The following TOX2 variants were observed in gnomAD, a reference collection of about 807,000 sequenced individuals.
TOX2 encodes granulosa cell HMG box 1.
TOX2 carries 15 observed loss-of-function variants against 47.4 expected under a neutral mutation model. The ratio of observed to expected loss-of-function variants is 0.32; its 90% confidence interval spans 0.21 to 0.49. The LOEUF (loss-of-function observed/expected upper bound fraction) is 0.49, where lower values mean the gene tolerates loss of function less well. Ranked by LOEUF, TOX2 falls within the 20% of genes least tolerant of loss-of-function variation. The pLI is 0.99. For synonymous variants in TOX2, 290 were observed against 296.6 expected, an observed-to-expected ratio of 0.98 and a Z score of 0.23; for missense variants, 622 against 673.1, an observed-to-expected ratio of 0.92 and a Z score of 0.84.
At chr20:43,943,635 G>A (rs2145356181) in intron 1 of TOX2, among the ~76,000 whole-genome samples, 1 of 152,274 alleles carries the variant, frequency 6.6e-6, no homozygotes, top group Middle Eastern at 3.4e-3. Context: ...TAGGGAGGAG[G>A]CAGAGGGAAC....
chr20:43,915,094 C>T lies in TOX2; in HGVS notation c.99+104C>T, dbSNP rs2069041322. 1.7e-5 allele frequency: 10 copies of T among 600,172 alleles called. No individual in the cohort carries two copies. The South Asian group carries it at 7.1e-4, about 42-fold the overall frequency. 37.2% of individuals were successfully genotyped at this position (600,172 alleles called of 1,614,324 possible). On this transcript the variant is annotated intron_variant, in intron 1 of 8. Transcript: ENST00000341197. This position sits in a 1 kb window ranked among gnomAD's most constrained non-coding sequence, Gnocchi z 7.1. The stretch of plus-strand genomic sequence containing the variant: ...TCACACGGGGCCGCGCACATCAGCC[C>T]CGCCGACGGGCACGGGCGGCTCACA...
intron 3 of TOX2, among the ~76,000 whole-genome samples, chr20:44,046,927 A>C (rs1349321523): frequency 2.0e-5 from 3 of 152,220 alleles, no homozygotes; most frequent in Non-Finnish European, 4.4e-5. Context: ...AAAAGGAAAA[A>C]CAAACTGATC....
chr20:44,020,062 C>T (rs2070951897), intron 3 of TOX2, among the ~76,000 whole-genome samples: 1 of 152,188 alleles, frequency 6.6e-6, no homozygotes, highest in African/African-American at 2.4e-5. Flanking sequence ...GCGACCTCAG[C>T]CAAGCTGTTT....
chr20:43,980,609 T>A (rs962413397), intron 2 of TOX2, among the ~76,000 whole-genome samples: 4 of 152,208 alleles, frequency 2.6e-5, no homozygotes, highest in African/African-American at 4.8e-5. Flanking sequence ...AAATGTCTCA[T>A]GTACTCTATA....
At chr20:43,951,709 T>TTG (rs1450756051) in intron 1 of TOX2, among the ~76,000 whole-genome samples, 1 of 111,234 alleles carries the variant, frequency 9.0e-6, no homozygotes, top group Non-Finnish European at 1.9e-5. Flanking sequence ...CTTATTATGT[T>TTG]TTTTTTTTTT....
At chr20:43,951,365 C>T (rs6103530) in intron 1 of TOX2, among the ~76,000 whole-genome samples, 3 of 151,916 alleles carry the variant, frequency 2.0e-5, no homozygotes, top group East Asian at 1.9e-4. Flanking sequence ...ACTTGAGTAC[C>T]GGAGTTCAAG....
chr20:44,012,585 C>T (rs373013927), intron 3 of TOX2, among the ~76,000 whole-genome samples: 5 of 152,246 alleles, frequency 3.3e-5, no homozygotes, highest in East Asian at 1.9e-4. Flanking sequence ...CATTCTCCTC[C>T]CAGCTTTGAC....
intron 1 of TOX2, among the ~76,000 whole-genome samples, chr20:43,964,452 G>A (rs1330256157): frequency 6.6e-6 from 1 of 152,218 alleles, no homozygotes; most frequent in African/African-American, 2.4e-5. Context: ...CAGAATGAGC[G>A]TTCTCACCGC....
chr20:43,931,025 G>A (rs1569007090), intron 1 of TOX2, among the ~76,000 whole-genome samples: 1 of 152,160 alleles, frequency 6.6e-6, no homozygotes, highest in Non-Finnish European at 1.5e-5. Flanking sequence ...CTTTGGAAGT[G>A]TGGGGAATCT....
At chr20:44,021,086 C>G (rs112757232) in intron 3 of TOX2, among the ~76,000 whole-genome samples, 5 of 152,104 alleles carry the variant, frequency 3.3e-5, no homozygotes, top group African/African-American at 1.2e-4. Context: ...AATTGTGCAC[C>G]AAGGGCCTAA....
At chr20:44,000,717 C>T (rs2070563269) in intron 2 of TOX2, among the ~76,000 whole-genome samples, 1 of 151,836 alleles carries the variant, frequency 6.6e-6, no homozygotes, top group African/African-American at 2.4e-5. Flanking sequence ...ATGTCATCAT[C>T]AATAGATTAA....
At position 43,942,698 on chromosome 20, in the gene TOX2, A is replaced by T. The variant is rs1165284855; in HGVS notation, c.99+27708A>T. Among the ~76,000 whole-genome samples, 4 of 152,078 alleles carry T rather than the reference A, an allele frequency of 2.6e-5. No homozygotes were observed. In the East Asian group the frequency reaches 7.7e-4, roughly 29 times the overall value. On this transcript the variant is annotated intron_variant, in intron 1 of 8. Transcript: ENST00000341197. ...GAGACCCTGTCTCAATAAATAAATA[A>T]ATAAGAGAAAAAAGAAAAGAAAAAA...
At chr20:43,973,584 T>A in intron 2 of TOX2, 152 bp downstream of exon 2, 1 of 669,000 alleles carries the variant, frequency 1.5e-6, no homozygotes, top group Non-Finnish European at 2.6e-6. Context: ...ATAGTCTCCT[T>A]AAAAGGTACA....
chr20:43,920,427 G>A (rs567097613), intron 1 of TOX2, among the ~76,000 whole-genome samples: 2 of 152,198 alleles, frequency 1.3e-5, no homozygotes, highest in Non-Finnish European at 2.9e-5. Context: ...TTTCTTCAGG[G>A]GCACAGGTGG....
chr20:44,007,154 A>G, intron 3 of TOX2: 1 of 237,418 alleles, frequency 4.2e-6, no homozygotes, highest in South Asian at 7.8e-5. Flanking sequence ...CATTTAAAGT[A>G]TACTACTTAA....
At chr20:43,927,694 C>CCCTT (rs199917132) in intron 1 of TOX2, among the ~76,000 whole-genome samples, 6,805 of 94,156 alleles carry the variant, frequency 0.072, 1,274 homozygotes, top group African/African-American at 0.32. Context: ...CCTTCCCTTC[C>CCCTT]CCTTCCTTCC....
intron 3 of TOX2, among the ~76,000 whole-genome samples, chr20:44,024,836 T>G (rs993311812): frequency 2.0e-5 from 3 of 152,082 alleles, no homozygotes. Flanking sequence ...AAAGATAATA[T>G]ACACAATATA....
intron 3 of TOX2, among the ~76,000 whole-genome samples, chr20:44,023,932 C>T (rs2071018604): frequency 1.3e-5 from 2 of 152,244 alleles, no homozygotes; most frequent in Admixed American, 1.3e-4. Flanking sequence ...CACCCCCTTC[C>T]CTCCTTCCTC....
chr20:43,973,810 C>T (rs1264678327), intron 2 of TOX2, among the ~76,000 whole-genome samples: 1 of 152,198 alleles, frequency 6.6e-6, no homozygotes, highest in Admixed American at 6.5e-5. Flanking sequence ...GGTTTGGATG[C>T]ACACATGCCC....
Sources: allele counts gnomAD v4.1 joint callset (sites outside exome capture counted in the v4.1 genomes callset), GRCh38; gene constraint gnomAD v4.1.1; non-coding constraint Gnocchi (gnomAD v3.1); transcripts MANE v1.5; gene names NCBI Gene and HGNC (gene_info 2026-07-23, HGNC 2026-07-21).